The following COL25A1 variants were observed in gnomAD, a reference collection of about 807,000 sequenced individuals.
The protein encoded by COL25A1 is collagen alpha-1(XXV) chain.
Under a neutral mutation model 128.4 loss-of-function variants are expected in COL25A1, and 103 were observed. The ratio of observed to expected loss-of-function variants is 0.80; its 90% confidence interval spans 0.68 to 0.94. The LOEUF is 0.94. Among genes scored for constraint, COL25A1 ranks in the 40% least tolerant of loss-of-function variants. The probability of loss-of-function intolerance (pLI) is 0.00; values close to 1 mark genes in which losing one functional copy is unlikely to be tolerated. For synonymous variants in COL25A1, 279 were observed against 277.2 expected, an observed-to-expected ratio of 1.01 and a Z score of -0.06; for missense variants, 745 against 840.0, an observed-to-expected ratio of 0.89 and a Z score of 1.40.
intron 19 of COL25A1, 103 bp downstream of exon 19, chr4:108,884,075 C>A: frequency 8.8e-7 from 1 of 1,138,730 alleles, no homozygotes; most frequent in Non-Finnish European, 1.3e-6. Context: ...ACTTAGAGAA[C>A]AGCATTCTAT....
intron 27 of COL25A1, among the ~76,000 whole-genome samples, chr4:108,848,163 A>G (rs1563003): frequency 0.012 from 1,823 of 152,320 alleles, 37 homozygotes; most frequent in African/African-American, 0.042. Flanking sequence ...AATAAAAAGG[A>G]AACTTCAACA....
At chr4:109,136,062 G>A (rs1157437188) in intron 3 of COL25A1, among the ~76,000 whole-genome samples, 1 of 152,152 alleles carries the variant, frequency 6.6e-6, no homozygotes, top group Non-Finnish European at 1.5e-5. Context: ...AGCCCTGGTG[G>A]TAGGGATACA....
At chr4:109,124,740 A>G (rs1768424622) in intron 3 of COL25A1, among the ~76,000 whole-genome samples, 1 of 152,046 alleles carries the variant, frequency 6.6e-6, no homozygotes, top group South Asian at 2.1e-4. Context: ...CCCAAAATCA[A>G]ATGAGCAAAA....
chr4:109,180,012 C>T (rs1774476299), intron 3 of COL25A1, among the ~76,000 whole-genome samples: 2 of 152,162 alleles, frequency 1.3e-5, no homozygotes, highest in Admixed American at 1.3e-4. Flanking sequence ...AATGTTAACA[C>T]TCTGCTTCTA....
chr4:108,995,162 A>G (rs1003645148), intron 6 of COL25A1, among the ~76,000 whole-genome samples: 1 of 152,194 alleles, frequency 6.6e-6, no homozygotes, highest in African/African-American at 2.4e-5. Context: ...GGTAATAACA[A>G]ACTTCTCCGA....
chr4:108,949,969 G>A (rs1490202924), intron 8 of COL25A1, among the ~76,000 whole-genome samples: 1 of 152,198 alleles, frequency 6.6e-6, no homozygotes, highest in Non-Finnish European at 1.5e-5. Context: ...AAACAAGATA[G>A]ACTTTATACC....
chr4:108,853,223 G>A (rs1736014193), intron 24 of COL25A1, among the ~76,000 whole-genome samples: 1 of 152,054 alleles, frequency 6.6e-6, no homozygotes, highest in Admixed American at 6.5e-5. Flanking sequence ...ATATGCTAGA[G>A]GCTTGTCAGT....
intron 3 of COL25A1, among the ~76,000 whole-genome samples, chr4:109,297,171 A>G (rs1271626970): frequency 2.0e-5 from 3 of 152,092 alleles, no homozygotes; most frequent in African/African-American, 7.2e-5. Context: ...TTTAAAATAG[A>G]GCTTTTCTGA....
chr4:109,027,569 TA>T (rs1227874779), intron 5 of COL25A1, among the ~76,000 whole-genome samples: 3 of 152,018 alleles, frequency 2.0e-5, no homozygotes, highest in African/African-American at 7.2e-5. Context: ...TCATGTCCAC[TA>T]TCGGGAAAAG....
intron 10 of COL25A1, among the ~76,000 whole-genome samples, chr4:108,940,064 C>T (rs942765441): frequency 2.0e-5 from 3 of 152,094 alleles, no homozygotes; most frequent in African/African-American, 4.8e-5. Context: ...ATTTTACTTC[C>T]TCTACTTTCC....
At chr4:109,302,139 G>T (rs1021793691) in intron 1 of COL25A1, 30 bp downstream of exon 1, 2 of 1,315,474 alleles carry the variant, frequency 1.5e-6, no homozygotes, top group Non-Finnish European at 2.0e-6. Flanking sequence ...CAACTAGTTG[G>T]TGGAGTCAAG....
intron 19 of COL25A1, among the ~76,000 whole-genome samples, chr4:108,870,056 C>G (rs887654794): frequency 8.6e-5 from 13 of 151,980 alleles, no homozygotes; most frequent in Admixed American, 2.0e-4. Context: ...AGTTTGAGAC[C>G]AGCCTGGGCA....
rs140408515 is a variant in COL25A1, at chr4:109,244,078, C to T, written c.367+56505G>A. Among the ~76,000 whole-genome samples the T allele has an allele frequency of 4.0e-5, 6 of 151,210 alleles. 1 individual carries two copies. Among genetic ancestry groups the T allele is most frequent in the Admixed American group, 6.6e-5 (1 of 15,152 alleles). On this transcript the variant is annotated intron_variant, in intron 3 of 37. Transcript: ENST00000399132. ...TAAACCCCTACTTTTGTTGATCTCA[C>T]AGTCATACACAAACACTGTCCTCTT...
At chr4:109,161,833 T>C (rs552793541) in intron 3 of COL25A1, among the ~76,000 whole-genome samples, 17 of 152,338 alleles carry the variant, frequency 1.1e-4, no homozygotes, top group African/African-American at 3.6e-4. Flanking sequence ...AGAGGAGAAG[T>C]GCCTGAGATT....
At chr4:109,228,176 T>A (rs972124527) in intron 3 of COL25A1, among the ~76,000 whole-genome samples, 4 of 152,124 alleles carry the variant, frequency 2.6e-5, no homozygotes, top group African/African-American at 9.7e-5. Flanking sequence ...ATCTTCCCCA[T>A]CTAGTTCACT....
chr4:109,097,605 C>T (rs948146691), intron 3 of COL25A1, among the ~76,000 whole-genome samples: 2 of 151,400 alleles, frequency 1.3e-5, no homozygotes, highest in African/African-American at 4.9e-5. Context: ...AAAAGCAAGA[C>T]CTTATCTCAA....
At chr4:108,969,980 C>T (rs1751744980) in intron 8 of COL25A1, among the ~76,000 whole-genome samples, 1 of 152,184 alleles carries the variant, frequency 6.6e-6, no homozygotes, top group African/African-American at 2.4e-5. Flanking sequence ...TGGCTCACTG[C>T]AACCTCCACC....
chr4:109,180,148 AT>A (rs1774492595), intron 3 of COL25A1, among the ~76,000 whole-genome samples: 1 of 152,294 alleles, frequency 6.6e-6, no homozygotes, highest in East Asian at 1.9e-4. Flanking sequence ...AGAAGAAGAA[AT>A]TTAGGAAGAT....
chr4:109,244,535 A>G lies in COL25A1; in HGVS notation c.367+56048T>C, dbSNP rs76452261. On this transcript the variant is annotated intron_variant, in intron 3 of 37. Coordinates refer to ENST00000399132, the MANE Select transcript of COL25A1 (RefSeq NM_198721.4). ...TCAAGGCATTTAAGTTTTAATTCAC[A>G]AACTGCAGCCCTGAGAATAATTATG... 7.9e-3 allele frequency among the ~76,000 whole-genome samples: 1,201 copies of G among 152,302 alleles called. 63 individuals are homozygous for G. The South Asian group carries it at 0.14, about 18-fold the overall frequency.
Sources: gnomAD v4.1 joint callset for allele counts (sites outside exome capture counted in the v4.1 genomes callset) on GRCh38, gnomAD v4.1.1 for gene constraint, MANE v1.5 for transcripts, NCBI Gene and HGNC (gene_info 2026-07-23, HGNC 2026-07-21) for gene names.